Variants in TSHR observed in about 807,000 individuals in gnomAD.
The protein encoded by TSHR is thyrotropin receptor.
Under a neutral mutation model 64.1 loss-of-function variants are expected in TSHR, and 51 were observed. The ratio of observed to expected loss-of-function variants is 0.80; its 90% CI spans 0.64 to 1.01. The LOEUF (loss-of-function observed/expected upper bound fraction) is 1.01, where lower values mean the gene tolerates loss of function less well. Among genes scored for constraint, TSHR ranks in the 50% least tolerant of loss-of-function variants. The pLI is 0.00. For synonymous variants in TSHR, 361 were observed against 361.9 expected (o/e 1.00, Z 0.03); for missense variants, 877 against 942.8 (o/e 0.93, Z 0.91).
chr14:81,010,879 T>G (rs984001928), intron 1 of TSHR, among the ~76,000 whole-genome samples: 2 of 152,138 alleles, frequency 1.3e-5, no homozygotes, highest in Non-Finnish European at 2.9e-5. Context: ...CCAACTATCT[T>G]AAACTGAAGT....
intron 7 of TSHR, chr14:81,104,427 A>G: frequency 1.0e-6 from 1 of 985,350 alleles, no homozygotes; most frequent in South Asian, 4.7e-5. Flanking sequence ...TGTATCCTAA[A>G]ACTCCCCAGA....
chr14:80,960,275 G>C (rs1037176598), intron 1 of TSHR, among the ~76,000 whole-genome samples: 8 of 152,226 alleles, frequency 5.3e-5, no homozygotes, highest in African/African-American at 1.9e-4. Context: ...AAGAAATGTG[G>C]ATGTTTTGTA....
chr14:81,063,963 G>A (rs532459091), intron 2 of TSHR, among the ~76,000 whole-genome samples: 1 of 152,200 alleles, frequency 6.6e-6, no homozygotes, highest in South Asian at 2.1e-4. Context: ...GTTTCTTGGG[G>A]GTAGAGCTTA....
chr14:81,108,346 T>C, intron 7 of TSHR, 29 bp from the exon 8 acceptor site: 1 of 1,557,458 alleles, frequency 6.4e-7, no homozygotes, highest in South Asian at 1.1e-5. Context: ...TAATTCATTC[T>C]CTCTCTCTCT....
rs148295851 is a variant in TSHR at position 80,969,704 on chromosome 14, A to T, written c.170+13854A>T. On this transcript the variant is annotated intron_variant, in intron 1 of 9. Coordinates refer to ENST00000298171, the MANE Select transcript of TSHR (RefSeq NM_000369.5). The stretch of plus-strand genomic sequence containing the variant: ...GTTCATTTCTCCAAAACTGGATGGC[A>T]TTTATAAAATGAGTCATCTAGTCTA... 7.0e-3 allele frequency among the ~76,000 whole-genome samples: 1,059 copies of T among 152,312 alleles called. 18 individuals are homozygous for T. Among genetic ancestry groups the T allele is most frequent in the African/African-American group, 0.024 (988 of 41,576 alleles).
At position 81,143,598 on chromosome 14, in the gene TSHR, G is replaced by A. The variant is rs759709895; in HGVS notation, c.1540G>A (p.Val514Ile). The change falls in exon 10 of 10, where the codon GTC (valine) becomes ATC (isoleucine). Residue 514 changes from valine to isoleucine, a missense_variant. Coordinates refer to ENST00000298171, the MANE Select transcript of TSHR (RefSeq NM_000369.5). ...CGAGTTATCGGTGTATACGCTGACG[G>A]TCATCACCCTGGAGCGCTGGTATGC... ...ASELSVYTLT[V>I]ITLERWYAIT... 5.6e-6 allele frequency: 9 copies of A among 1,613,488 alleles called. No homozygotes were observed. In the Admixed American group the frequency reaches 1.5e-4, roughly 27 times the overall value.
intron 3 of TSHR, among the ~76,000 whole-genome samples, chr14:81,068,856 A>C (rs1158959147): frequency 6.6e-6 from 1 of 152,218 alleles, no homozygotes. Flanking sequence ...TTTGCAAAAT[A>C]AGTGTAATAA....
At chr14:81,102,854 G>A (rs1889674926) in intron 7 of TSHR, 1 of 985,108 alleles carries the variant, frequency 1.0e-6, no homozygotes, top group Admixed American at 6.1e-5. Flanking sequence ...GCAAGCGTGG[G>A]ATCAAGATAA....
chr14:81,019,161 C>G (rs1883585976), intron 1 of TSHR, among the ~76,000 whole-genome samples: 2 of 151,780 alleles, frequency 1.3e-5, no homozygotes, highest in South Asian at 2.1e-4. Flanking sequence ...ATGGCAAAAC[C>G]CATCTCTACT....
chr14:81,074,257 C>T (rs1186456555), intron 3 of TSHR, among the ~76,000 whole-genome samples: 1 of 152,102 alleles, frequency 6.6e-6, no homozygotes, highest in African/African-American at 2.4e-5. Context: ...ACCTTGTATT[C>T]TTCAAATGTT....
chr14:80,955,998 G>C (rs1886657029), intron 1 of TSHR, 148 bp downstream of exon 1: 1 of 951,640 alleles, frequency 1.1e-6, no homozygotes, highest in Non-Finnish European at 1.6e-6. Flanking sequence ...GTGTAGATGT[G>C]TGTGTGTGCT....
intron 1 of TSHR, among the ~76,000 whole-genome samples, chr14:81,029,271 G>A (rs1884227143): frequency 6.6e-6 from 1 of 151,868 alleles, no homozygotes; most frequent in Non-Finnish European, 1.5e-5. Flanking sequence ...TTTTAATTAT[G>A]AGGACATATT....
At chr14:81,092,439 G>A (rs1289044614) in intron 5 of TSHR, 92 bp from the exon 6 acceptor site, 4 of 1,109,448 alleles carry the variant, frequency 3.6e-6, no homozygotes, top group Middle Eastern at 2.0e-4. Flanking sequence ...GCTATATTGT[G>A]TCCTGTTATT....
At chr14:81,078,064 A>G (rs1887627538) in intron 3 of TSHR, among the ~76,000 whole-genome samples, 1 of 152,144 alleles carries the variant, frequency 6.6e-6, no homozygotes, top group Non-Finnish European at 1.5e-5. Context: ...AACTTTAAAG[A>G]TTCAATTAAC....
chr14:81,019,351 G>T (rs955946491), intron 1 of TSHR, among the ~76,000 whole-genome samples: 1 of 148,242 alleles, frequency 6.7e-6, no homozygotes, highest in Admixed American at 6.7e-5. Context: ...AAAAAAAATG[G>T]TTGCATGAGC....
intron 3 of TSHR, among the ~76,000 whole-genome samples, chr14:81,072,677 G>C (rs79132769): frequency 0.027 from 4,068 of 152,012 alleles, 213 homozygotes; most frequent in African/African-American, 0.09. Flanking sequence ...ATTGATTGCT[G>C]AATTTTTAAT....
intron 5 of TSHR, among the ~76,000 whole-genome samples, chr14:81,091,813 G>A (rs1177582246): frequency 6.6e-6 from 1 of 152,236 alleles, no homozygotes. Context: ...TCAAATTACT[G>A]CCTGTGACCT....
intron 9 of TSHR, among the ~76,000 whole-genome samples, chr14:81,140,351 G>A (rs550292879): frequency 1.1e-4 from 16 of 152,194 alleles, no homozygotes; most frequent in African/African-American, 3.4e-4. Context: ...GGTTTATACC[G>A]CAGCTCTGCC....
At chr14:81,041,137 A>C (rs997665736) in intron 1 of TSHR, among the ~76,000 whole-genome samples, 4 of 152,188 alleles carry the variant, frequency 2.6e-5, no homozygotes, top group African/African-American at 9.6e-5. Context: ...CAGAAATACC[A>C]TTCAACCCAG....
Sources: allele counts gnomAD v4.1 joint callset (sites outside exome capture counted in the v4.1 genomes callset), GRCh38; gene constraint gnomAD v4.1.1; transcripts MANE v1.5; gene names NCBI Gene and HGNC (gene_info 2026-07-23, HGNC 2026-07-21).